Variants in CCDC57 observed in about 807,000 individuals in gnomAD.
The protein encoded by CCDC57 is coiled-coil domain-containing protein 57.
A neutral mutation model predicts 118.9 loss-of-function variants in CCDC57; 118 were observed. The ratio of observed to expected loss-of-function variants is 0.99; its 90% CI spans 0.86 to 1.16. The LOEUF is 1.16. CCDC57 is among the 50% of genes most tolerant of loss of function. CCDC57 has a pLI of 0.00. For synonymous variants in CCDC57, 527 were observed against 532.9 expected (o/e 0.99, Z 0.15); for missense variants, 1,300 against 1,320.7 (o/e 0.98, Z 0.24).
chr17:82,134,402 C>G (rs890240583), intron 16 of CCDC57: 9 of 404,290 alleles, frequency 2.2e-5, no homozygotes, highest in African/African-American at 1.4e-4. Context: ...ATGCCACGCC[C>G]CTGCCACACA....
chr17:82,145,620 A>C (rs1280244191), intron 16 of CCDC57, among the ~76,000 whole-genome samples: 4 of 152,158 alleles, frequency 2.6e-5, no homozygotes, highest in African/African-American at 9.7e-5. Flanking sequence ...TACAGGATCA[A>C]GGAAATGCCA....
At chr17:82,191,261 G>T (rs764814160) in intron 7 of CCDC57, among the ~76,000 whole-genome samples, 4 of 152,138 alleles carry the variant, frequency 2.6e-5, no homozygotes, top group Non-Finnish European at 5.9e-5. Flanking sequence ...ACCGGCGCCA[G>T]ATGATGAGGA....
rs146918388 is a variant in CCDC57 at position 82,129,014 on chromosome 17, G to A, written c.2578-417C>T. 7.4e-3 allele frequency among the ~76,000 whole-genome samples: 1,131 copies of A among 152,188 alleles called. 16 individuals are homozygous for A. The highest frequency in any genetic ancestry group is 0.025 in the African/African-American group (1,033 of 41,512). ...GCTCACTGCAACCTCCGCCTCCTGG[G>A]TTCAAGTGATTCTCCTGTCTCAGCC... On this transcript the variant is annotated intron_variant, in intron 17 of 19. Transcript: ENST00000665763.
In CCDC57 at chr17:82,192,667, C is replaced by T. The variant is rs939348671; in HGVS notation, c.851+1089G>A. Among the ~76,000 whole-genome samples the T allele has an allele frequency of 6.6e-6, 1 of 152,122 alleles. No homozygotes were observed. The highest frequency in any genetic ancestry group is 1.5e-5 in the Non-Finnish European group (1 of 68,024). ...TCGGTTTCCTCATCTAGGTAGAGAACCCGGATGGGTGCCCTCACAATGCGA... is the reference window on the plus strand; with the variant it reads ...TCGGTTTCCTCATCTAGGTAGAGAATCCGGATGGGTGCCCTCACAATGCGA... On this transcript the variant is annotated intron_variant, in intron 7 of 19. Coordinates refer to ENST00000665763, the Ensembl canonical transcript of CCDC57. The surrounding 1 kb of genome is among the most constrained non-coding windows in gnomAD (Gnocchi z 4.0).
intron 11 of CCDC57, among the ~76,000 whole-genome samples, chr17:82,175,916 C>T (rs2045409789): frequency 6.6e-6 from 1 of 152,174 alleles, no homozygotes; most frequent in Non-Finnish European, 1.5e-5. Context: ...TGGCTCAAAC[C>T]AACAGGACAA....
At chr17:82,132,797 T>C (rs1046919484) in intron 17 of CCDC57, among the ~76,000 whole-genome samples, 40 of 149,686 alleles carry the variant, frequency 2.7e-4, no homozygotes, top group Non-Finnish European at 5.8e-4. Context: ...TCTTGCTCTG[T>C]CGCCCAGGCT....
chr17:82,151,015 T>A (rs74982371), intron 16 of CCDC57, among the ~76,000 whole-genome samples: 29 of 47,602 alleles, frequency 6.1e-4, no homozygotes, highest in African/African-American at 1.6e-3. Flanking sequence ...ACCCAGAACC[T>A]GGCACACACC....
intron 16 of CCDC57, among the ~76,000 whole-genome samples, chr17:82,140,510 C>T (rs1011699585): frequency 1.6e-4 from 25 of 152,196 alleles, no homozygotes; most frequent in Non-Finnish European, 2.9e-5. Flanking sequence ...TGTGAGCCAC[C>T]GTGCCCGGCC....
At chr17:82,210,612 A>G (rs2050105674) in intron 1 of CCDC57, among the ~76,000 whole-genome samples, 1 of 151,402 alleles carries the variant, frequency 6.6e-6, no homozygotes, top group Non-Finnish European at 1.5e-5. Context: ...CCCGGGAGGC[A>G]GAGGTTGCAG....
At chr17:82,183,860 G>A (rs1250489216) in exon 9 of CCDC57, 3 of 1,613,130 alleles carry the variant, frequency 1.9e-6, no homozygotes, top group African/African-American at 1.3e-5. Flanking sequence ...GGTCTCTGGA[G>A]ACCATCTCCT....
chr17:82,157,831 G>C, exon 15 of CCDC57: 1 of 1,603,818 alleles, frequency 6.2e-7, no homozygotes, highest in Non-Finnish European at 8.5e-7. Context: ...GCTATCCTGA[G>C]ATGCTTCCCC....
At chr17:82,178,311 ACT>A (rs1194677883) in intron 11 of CCDC57, among the ~76,000 whole-genome samples, 161 bp downstream of exon 10, 2 of 152,196 alleles carry the variant, frequency 1.3e-5, no homozygotes, top group Non-Finnish European at 2.9e-5. Flanking sequence ...GTTCACCTTA[ACT>A]CTCTAAAGCT....
intron 1 of CCDC57, among the ~76,000 whole-genome samples, chr17:82,208,983 C>T (rs934504193): frequency 2.6e-5 from 4 of 152,156 alleles, no homozygotes; most frequent in Non-Finnish European, 4.4e-5. Context: ...ACAGCTCAAG[C>T]GATCTTCCCA....
intron 6 of CCDC57, 55 bp from the exon 6 acceptor site, chr17:82,193,885 G>T: frequency 6.4e-7 from 1 of 1,567,726 alleles, no homozygotes. Flanking sequence ...GCAAAGACCA[G>T]CCTGGAATGA....
At chr17:82,138,881 C>T (rs1205973708) in intron 16 of CCDC57, among the ~76,000 whole-genome samples, 1 of 152,230 alleles carries the variant, frequency 6.6e-6, no homozygotes, top group Non-Finnish European at 1.5e-5. Flanking sequence ...CAGGCATAAA[C>T]CCCGTCACTG....
intron 16 of CCDC57, among the ~76,000 whole-genome samples, chr17:82,134,729 G>C (rs1231304717): frequency 2.0e-5 from 3 of 152,136 alleles, no homozygotes; most frequent in African/African-American, 7.2e-5. Flanking sequence ...GGGAGGCAGA[G>C]GTTGCAGCGA....
intron 16 of CCDC57, among the ~76,000 whole-genome samples, chr17:82,147,368 G>A (rs555926914): frequency 6.6e-6 from 1 of 151,334 alleles, no homozygotes; most frequent in Non-Finnish European, 1.5e-5. Context: ...ATGAGTGAGA[G>A]TGGCTAATTG....
intron 19 of CCDC57, among the ~76,000 whole-genome samples, chr17:82,120,771 T>A (rs2036568046): frequency 6.6e-6 from 1 of 152,156 alleles, no homozygotes; most frequent in South Asian, 2.1e-4. Flanking sequence ...TGCTTTTTTT[T>A]TTGAGATGGA....
intron 16 of CCDC57, among the ~76,000 whole-genome samples, chr17:82,138,256 C>T (rs1435056960): frequency 6.6e-6 from 1 of 151,316 alleles, no homozygotes; most frequent in East Asian, 2.0e-4. Context: ...TCACGCCACT[C>T]TCCTGCCTCA....
Sources: gnomAD v4.1 joint callset for allele counts (sites outside exome capture counted in the v4.1 genomes callset) on GRCh38, gnomAD v4.1.1 for gene constraint, Gnocchi (gnomAD v3.1) non-coding constraint, MANE v1.5 for transcripts, NCBI Gene and HGNC (gene_info 2026-07-23, HGNC 2026-07-21) for gene names.